The following IREB2 variants were observed in gnomAD, a reference collection of about 807,000 sequenced individuals.
The protein encoded by IREB2 is iron responsive element binding protein 2.
A neutral mutation model predicts 118.8 loss-of-function variants in IREB2; 39 were observed. That is an observed-to-expected ratio of 0.33 (90% CI 0.25 to 0.43). IREB2 has a LOEUF of 0.43. IREB2 is among the 20% of genes least tolerant of loss of function. The pLI is 1.00. For missense variants in IREB2, 900 were observed against 1,147.3 expected (o/e 0.78, Z 3.11); for synonymous variants, 372 against 392.2 (o/e 0.95, Z 0.61).
At chr15:78,469,257 A>G (rs148673017) in intron 5 of IREB2, among the ~76,000 whole-genome samples, 3 of 152,186 alleles carry the variant, frequency 2.0e-5, no homozygotes, top group African/African-American at 7.2e-5. Flanking sequence ...TTATGAGCCA[A>G]TAAATGTTTG....
chr15:78,439,441 T>C (rs2050810183), intron 1 of IREB2, among the ~76,000 whole-genome samples: 1 of 152,222 alleles, frequency 6.6e-6, no homozygotes, highest in Non-Finnish European at 1.5e-5. Flanking sequence ...AAATCATTCT[T>C]ATTGTCCCTT....
intron 21 of IREB2, among the ~76,000 whole-genome samples, chr15:78,497,545 A>G (rs564915648): frequency 6.6e-6 from 1 of 152,296 alleles, no homozygotes; most frequent in African/African-American, 2.4e-5. Flanking sequence ...ATGAAGGGGA[A>G]TCTTGACTTC....
rs181235181 is a variant in IREB2 at position 78,477,592 on chromosome 15, G to A, written c.1196-705G>A. Among the ~76,000 whole-genome samples, 3 of 152,252 alleles carry A rather than the reference G, an allele frequency of 2.0e-5. No individual in the cohort carries two copies. The East Asian group carries it at 5.8e-4, about 29-fold the overall frequency. On this transcript the variant is annotated intron_variant, in intron 9 of 21. Coordinates refer to ENST00000258886, the MANE Select transcript of IREB2 (RefSeq NM_004136.4). ...TAGTATTTGTTTCTTGTTCATCACT[G>A]GAATTCAGTATCCTTACCCCCAAAG...
intron 7 of IREB2, among the ~76,000 whole-genome samples, chr15:78,472,671 A>G (rs1276365957): frequency 6.6e-6 from 1 of 152,056 alleles, no homozygotes; most frequent in Non-Finnish European, 1.5e-5. Flanking sequence ...CCAGCTAGCT[A>G]TGCTCTTTTA....
chr15:78,494,915 C>T (rs1008810751), intron 20 of IREB2, among the ~76,000 whole-genome samples: 1 of 152,162 alleles, frequency 6.6e-6, no homozygotes, highest in African/African-American at 2.4e-5. Flanking sequence ...TAATTTTCTC[C>T]GATTTGCCCC....
At chr15:78,475,778 G>T in intron 8 of IREB2, 1 of 153,014 alleles carries the variant, frequency 6.5e-6, no homozygotes. Context: ...CTAGAGCCAC[G>T]GTGTTGGAAG....
intron 2 of IREB2, among the ~76,000 whole-genome samples, chr15:78,458,943 C>T (rs1379613478): frequency 6.6e-6 from 1 of 151,972 alleles, no homozygotes; most frequent in Non-Finnish European, 1.5e-5. Flanking sequence ...GAGCCACACT[C>T]TCACACCAGG....
At position 78,500,507 on chromosome 15, in the gene IREB2, G is replaced by A. The variant is rs1331003268; in HGVS notation, c.*2364G>A. ...AGTTTTTATTGTCTGTGTCTTCTTT[G>A]TTTACTATACCTTGGGTAATTTTGT... On this transcript the variant is annotated 3_prime_UTR_variant, in exon 22 of 22. Coordinates refer to ENST00000258886, the MANE Select transcript of IREB2 (RefSeq NM_004136.4). 1 of 127,554 alleles carries A rather than the reference G, an allele frequency of 7.8e-6. No individual in the cohort carries two copies. The highest frequency in any genetic ancestry group is 1.6e-5 in the Non-Finnish European group (1 of 62,636). The allele number at this position is 127,554 out of a possible 1,614,324, so 7.9% of individuals were successfully genotyped here.
chr15:78,439,025 C>T (rs781125456), intron 1 of IREB2, among the ~76,000 whole-genome samples: 14 of 152,124 alleles, frequency 9.2e-5, no homozygotes, highest in Non-Finnish European at 1.6e-4. Flanking sequence ...CCTGGCCACC[C>T]ACCGCTATGA....
chr15:78,457,956 A>G (rs2051133287), intron 2 of IREB2, among the ~76,000 whole-genome samples: 1 of 152,098 alleles, frequency 6.6e-6, no homozygotes, highest in Non-Finnish European at 1.5e-5. Context: ...TGATTGAAGT[A>G]AGGATGGAAA....
intron 2 of IREB2, among the ~76,000 whole-genome samples, chr15:78,457,907 C>A (rs2051132518): frequency 6.6e-6 from 1 of 151,580 alleles, no homozygotes; most frequent in Non-Finnish European, 1.5e-5. Flanking sequence ...AAAATTTTTC[C>A]CCTGTAATTC....
intron 4 of IREB2, 43 bp from the exon 5 acceptor site, chr15:78,466,228 C>T: frequency 1.5e-6 from 2 of 1,345,902 alleles, no homozygotes; most frequent in Non-Finnish European, 2.1e-6. Flanking sequence ...AAATTTGTGT[C>T]CCTTTTAAAT....
intron 2 of IREB2, among the ~76,000 whole-genome samples, chr15:78,446,071 A>G (rs1001845354): frequency 6.6e-5 from 10 of 152,216 alleles, no homozygotes; most frequent in Admixed American, 3.3e-4. Context: ...GGTGTGATCC[A>G]TTGTATCCAG....
At chr15:78,438,197 G>C, upstream of IREB2, 1 of 677,574 alleles carries the variant, frequency 1.5e-6, no homozygotes, top group Non-Finnish European at 2.7e-6. Flanking sequence ...TGGCTCTGCT[G>C]CTCTCGCGAT....
intron 2 of IREB2, among the ~76,000 whole-genome samples, chr15:78,453,537 A>G (rs772459065): frequency 3.3e-5 from 5 of 151,906 alleles, no homozygotes; most frequent in Non-Finnish European, 7.3e-5. Context: ...GGAGAGAGGA[A>G]ATGATTGATG....
chr15:78,443,246 A>T (rs915189545), intron 2 of IREB2, among the ~76,000 whole-genome samples: 1 of 152,236 alleles, frequency 6.6e-6, no homozygotes, highest in African/African-American at 2.4e-5. Flanking sequence ...TTTCTCTTTC[A>T]AAGTATCTTA....
At chr15:78,474,662 G>A (rs1025258290) in intron 8 of IREB2, 48 of 152,050 alleles carry the variant, frequency 3.2e-4, no homozygotes, top group Admixed American at 2.8e-3. Flanking sequence ...TTGAGATCCT[G>A]TTCCATTTGT....
At chr15:78,489,433 CA>C (rs1314383795) in intron 16 of IREB2, among the ~76,000 whole-genome samples, 2 of 152,092 alleles carry the variant, frequency 1.3e-5, no homozygotes. Context: ...GAACAAAACA[CA>C]AAATTCTCCT....
Position 78,488,864 on chromosome 15 carries a change from C to T in IREB2, c.2076+93C>T, listed in dbSNP as rs1038553441. 7 of 736,732 alleles carry T rather than the reference C, an allele frequency of 9.5e-6. 1 individual carries two copies. Among genetic ancestry groups the T allele is most frequent in the Non-Finnish European group, 1.2e-5 (6 of 485,490 alleles). The allele number at this position is 736,732 out of a possible 1,614,324, so 45.6% of individuals were successfully genotyped here. A position where few individuals can be genotyped will look rare whatever the true frequency, so the allele number is the denominator to read the frequency against. ...CTGAATAGAATAAAAATTAAAATTA[C>T]ATTATTTTGAATACAGTTTTTAATG... is the stretch of plus-strand genomic sequence containing the variant. On this transcript the variant is annotated intron_variant, in intron 16 of 21. Transcript: ENST00000258886.
Sources: gnomAD v4.1 joint callset for allele counts (sites outside exome capture counted in the v4.1 genomes callset) on GRCh38, gnomAD v4.1.1 for gene constraint, MANE v1.5 for transcripts, NCBI Gene and HGNC (gene_info 2026-07-23, HGNC 2026-07-21) for gene names.